The following RAB3IP variants were observed in gnomAD, a reference collection of about 807,000 sequenced individuals.
RAB3IP encodes the protein RAB3A interacting protein.
Under a neutral mutation model 59.1 loss-of-function variants are expected in RAB3IP, and 36 were observed. The observed-to-expected ratio is 0.61, with a 90% CI of 0.47 to 0.80. The LOEUF (loss-of-function observed/expected upper bound fraction) is 0.80, where lower values mean the gene tolerates loss of function less well. RAB3IP is among the 30% of genes least tolerant of loss of function. RAB3IP has a pLI of 0.00. For synonymous variants in RAB3IP, 207 were observed against 191.2 expected, an observed-to-expected ratio of 1.08 and a Z score of -0.68; for missense variants, 511 against 536.0, an observed-to-expected ratio of 0.95 and a Z score of 0.46.
At chr12:69,779,298 G>A (rs1163414900) in intron 3 of RAB3IP, 2 of 143,322 alleles carry the variant, frequency 1.4e-5, no homozygotes, top group Non-Finnish European at 3.1e-5. Context: ...ACACACACTG[G>A]CCTGCGCCCA....
Position 69,795,364 on chromosome 12 carries a change from C to A in RAB3IP, c.888+20C>A. 1 of 1,579,644 alleles carries A rather than the reference C, an allele frequency of 6.3e-7. No individual in the cohort carries two copies. Among genetic ancestry groups the A allele is most frequent in the Non-Finnish European group, 8.7e-7 (1 of 1,149,714 alleles). Reference sequence around the variant, plus strand: ...AAAGAGGTAACTCATCAAGGACTGTCCCCTCTGACTCTGTTGATACTTGTT... The same window carrying A: ...AAAGAGGTAACTCATCAAGGACTGTACCCTCTGACTCTGTTGATACTTGTT... On this transcript the variant is annotated intron_variant, in intron 6 of 10. Coordinates refer to ENST00000247833, the MANE Select transcript of RAB3IP (RefSeq NM_022456.5).
intron 4 of RAB3IP, among the ~76,000 whole-genome samples, chr12:69,790,742 G>A (rs111447401): frequency 3.5e-4 from 54 of 152,126 alleles, no homozygotes; most frequent in Non-Finnish European, 4.9e-4. Context: ...GCACCACCAC[G>A]CCCAGATAAT....
chr12:69,810,012 T>C (rs1437172918), intron 8 of RAB3IP, among the ~76,000 whole-genome samples: 17 of 152,198 alleles, frequency 1.1e-4, no homozygotes. Flanking sequence ...CTCTGTTTTT[T>C]CCCCATCTTT....
Position 69,818,054 on chromosome 12 carries a change from GAAGA to G in RAB3IP, c.*2611_*2614del. The G allele has an allele frequency of 6.9e-5, 2 of 28,870 alleles. No individual in the cohort carries two copies. The highest frequency in any genetic ancestry group is 1.6e-4 in the African/African-American group (2 of 12,680). The allele number at this position is 28,870 out of a possible 1,614,324, so 1.8% of individuals were successfully genotyped here. On this transcript the variant is annotated 3_prime_UTR_variant, in exon 11 of 11. Transcript: ENST00000247833. ...TCAAATTCATTCGATTGGTGAAAATGAAGAAACACAAAGTCAAGTTTTGGAGAGG... is the reference window on the plus strand; with the variant it reads ...TCAAATTCATTCGATTGGTGAAAATGAACACAAAGTCAAGTTTTGGAGAGG...
chr12:69,757,167 A>G (rs576124701), intron 3 of RAB3IP, among the ~76,000 whole-genome samples: 28 of 152,334 alleles, frequency 1.8e-4, no homozygotes, highest in African/African-American at 6.3e-4. Flanking sequence ...ACTTGTGGCC[A>G]TATCTTATTC....
chr12:69,804,527 T>C (rs1042357095), intron 8 of RAB3IP, among the ~76,000 whole-genome samples: 2 of 152,236 alleles, frequency 1.3e-5, no homozygotes, highest in African/African-American at 4.8e-5. Flanking sequence ...ATTTTGGCTT[T>C]TGTTGCCATT....
At chr12:69,744,822 T>G (rs1868263233) in intron 1 of RAB3IP, among the ~76,000 whole-genome samples, 1 of 152,238 alleles carries the variant, frequency 6.6e-6, no homozygotes, top group Admixed American at 6.5e-5. Context: ...TAATTACATT[T>G]GCATTTATAA....
At chr12:69,793,828 TA>T (rs1877025437) in intron 4 of RAB3IP, among the ~76,000 whole-genome samples, 1 of 152,206 alleles carries the variant, frequency 6.6e-6, no homozygotes, top group Non-Finnish European at 1.5e-5. Context: ...GTCTCATGAA[TA>T]AACATTATAT....
intron 1 of RAB3IP, among the ~76,000 whole-genome samples, chr12:69,746,886 C>G (rs1034492120): frequency 6.6e-6 from 1 of 152,150 alleles, no homozygotes; most frequent in Non-Finnish European, 1.5e-5. Flanking sequence ...TCCCTGCCCC[C>G]CTTCCACAAC....
chr12:69,748,180 T>C (rs1038864780), intron 1 of RAB3IP, among the ~76,000 whole-genome samples: 31 of 152,092 alleles, frequency 2.0e-4, no homozygotes, highest in African/African-American at 7.5e-4. Context: ...TTTTTTCTTT[T>C]GGACTACTGA....
At chr12:69,807,457 CAG>C (rs1879587139) in intron 8 of RAB3IP, among the ~76,000 whole-genome samples, 1 of 137,008 alleles carries the variant, frequency 7.3e-6, no homozygotes, top group Non-Finnish European at 1.6e-5. Context: ...ACATCCCAGA[CAG>C]GACGGCTGGG....
At chr12:69,805,327 G>A (rs1328628683) in intron 8 of RAB3IP, among the ~76,000 whole-genome samples, 1 of 152,070 alleles carries the variant, frequency 6.6e-6, no homozygotes, top group African/African-American at 2.4e-5. Flanking sequence ...GAATGCTTGT[G>A]ATTTTTGTAC....
At chr12:69,781,264 A>G (rs1414714709) in intron 3 of RAB3IP, among the ~76,000 whole-genome samples, 1 of 152,130 alleles carries the variant, frequency 6.6e-6, no homozygotes, top group Non-Finnish European at 1.5e-5. Context: ...GCAAAATTGA[A>G]AGTACAGAGT....
chr12:69,798,061 A>G (rs1877800149), intron 6 of RAB3IP, among the ~76,000 whole-genome samples: 1 of 152,194 alleles, frequency 6.6e-6, no homozygotes, highest in Non-Finnish European at 1.5e-5. Flanking sequence ...GCTGGGTCAA[A>G]TGGTATTTCT....
chr12:69,751,176 G>T (rs1869220541), intron 1 of RAB3IP, among the ~76,000 whole-genome samples: 2 of 152,106 alleles, frequency 1.3e-5, no homozygotes, highest in Admixed American at 1.3e-4. Flanking sequence ...ATGACCTCAT[G>T]GATTTAAAAA....
intron 4 of RAB3IP, among the ~76,000 whole-genome samples, chr12:69,790,022 A>G (rs1300739978): frequency 1.3e-5 from 2 of 152,206 alleles, no homozygotes; most frequent in African/African-American, 2.4e-5. Flanking sequence ...CTGGTATAAG[A>G]CAAGGATGCC....
intron 3 of RAB3IP, among the ~76,000 whole-genome samples, chr12:69,780,068 A>G (rs765340004): frequency 6.6e-6 from 1 of 152,116 alleles, no homozygotes; most frequent in African/African-American, 2.4e-5. Flanking sequence ...CCTTAAGCCC[A>G]TTTTTACCAC....
At chr12:69,791,818 T>C (rs546061842) in intron 4 of RAB3IP, among the ~76,000 whole-genome samples, 2 of 152,314 alleles carry the variant, frequency 1.3e-5, no homozygotes, top group South Asian at 2.1e-4. Flanking sequence ...CTTCCAGATA[T>C]ATATCCAAAA....
At chr12:69,781,217 CTTTTAGAGCAGT>C (rs1205968424) in intron 3 of RAB3IP, among the ~76,000 whole-genome samples, 1 of 152,070 alleles carries the variant, frequency 6.6e-6, no homozygotes, top group Non-Finnish European at 1.5e-5. Flanking sequence ...AAAATTGACA[CTTTTAGAGCAGT>C]TTTTAGAGCA....
Sources: gnomAD v4.1 joint callset for allele counts (sites outside exome capture counted in the v4.1 genomes callset) on GRCh38, gnomAD v4.1.1 for gene constraint, MANE v1.5 for transcripts, NCBI Gene and HGNC (gene_info 2026-07-23, HGNC 2026-07-21) for gene names.